The following CFAP70 variants were observed in gnomAD, a reference collection of about 807,000 sequenced individuals.
CFAP70 encodes the protein cilia and flagella associated protein 70.
A neutral mutation model predicts 137.6 loss-of-function variants in CFAP70; 81 were observed. The ratio of observed to expected loss-of-function variants is 0.59; its 90% CI spans 0.49 to 0.71. The LOEUF (loss-of-function observed/expected upper bound fraction) is 0.71. Ranked by LOEUF, CFAP70 falls within the 30% of genes least tolerant of loss-of-function variation. The pLI is 0.00. For missense variants in CFAP70, 976 were observed against 1,226.7 expected (o/e 0.80, Z 3.05); for synonymous variants, 382 against 423.6 (o/e 0.90, Z 1.20).
rs1812117877 is a variant in CFAP70 at position 73,341,266 on chromosome 10, A to G, written c.582+133T>C. 6.9e-6 allele frequency: 5 copies of G among 724,366 alleles called. No individual in the cohort carries two copies. In the Admixed American group the frequency reaches 1.6e-4, roughly 23 times the overall value. The allele number at this position is 724,366 out of a possible 1,614,324, so 44.9% of individuals were successfully genotyped here. On this transcript the variant is annotated intron_variant, in intron 6 of 26. Coordinates refer to ENST00000310715, the Ensembl canonical transcript of CFAP70. ...CAGAAGATATTTGAATCAGAATTAG[A>G]TATGTGTTTTATTTTGGCATGTAAG...
intron 7 of CFAP70, among the ~76,000 whole-genome samples, chr10:73,335,041 A>C (rs537020063): frequency 6.7e-4 from 100 of 150,216 alleles, no homozygotes; most frequent in Admixed American, 2.7e-3. Context: ...TATCTGCACC[A>C]AACTAATTTC....
intron 4 of CFAP70, among the ~76,000 whole-genome samples, chr10:73,345,880 AT>A (rs2053655463): frequency 6.6e-6 from 1 of 151,742 alleles, no homozygotes; most frequent in African/African-American, 2.4e-5. Flanking sequence ...ATATTTTATG[AT>A]TATTTTTGTC....
At position 73,278,355 on chromosome 10, in the gene CFAP70, T is replaced by C; in HGVS notation, c.2240-18A>G. On this transcript the variant is annotated intron_variant, in intron 19 of 26. Coordinates refer to ENST00000310715, the Ensembl canonical transcript of CFAP70. ...TCCTGGTCCTAAATAGATTACATTT[T>C]AATGAAAAATAAAACTTCTTACATT... 6.3e-7 allele frequency: 1 copy of C among 1,594,476 alleles called. No homozygotes were observed.
At chr10:73,335,794 A>T (rs2132348493) in intron 6 of CFAP70, among the ~76,000 whole-genome samples, 1 of 151,588 alleles carries the variant, frequency 6.6e-6, no homozygotes, top group South Asian at 2.1e-4. Flanking sequence ...TCAATCAATG[A>T]TTCTCAACTC....
chr10:73,351,012 T>C lies in CFAP70; in HGVS notation c.251-2491A>G, dbSNP rs1330587945. Among the ~76,000 whole-genome samples the C allele has an allele frequency of 2.0e-5, 3 of 147,610 alleles. No homozygotes were observed. In the East Asian group the frequency reaches 5.8e-4, roughly 29 times the overall value. On this transcript the variant is annotated intron_variant, in intron 3 of 26. Transcript: ENST00000310715. ...ATATATGTGTGTATATGTGTGTATG[T>C]GTGTGTATATATATGTGTATATGTG...
At chr10:73,288,294 A>G (rs1175204875) in intron 19 of CFAP70, among the ~76,000 whole-genome samples, 1 of 152,196 alleles carries the variant, frequency 6.6e-6, no homozygotes, top group African/African-American at 2.4e-5. Context: ...TTCTGAATAA[A>G]TTAGGCAATT....
intron 26 of CFAP70, 71 bp downstream of exon 27, chr10:73,256,298 G>T: frequency 6.5e-7 from 1 of 1,541,502 alleles, no homozygotes. Context: ...CCTGAATTAA[G>T]CCAGTACCTC....
chr10:73,259,467 T>TG (rs1676093630), intron 25 of CFAP70, among the ~76,000 whole-genome samples: 1 of 152,158 alleles, frequency 6.6e-6, no homozygotes, highest in Non-Finnish European at 1.5e-5. Context: ...CCCCCTCCTT[T>TG]GTTTTTTCTT....
rs2053915143 is a variant in CFAP70 at position 73,348,477 on chromosome 10, CTTCT to C, written c.291_294del (p.Glu98ArgfsTer4). ...GCCTGACCAAGAATTAAGGTCTTCT[CTTCT>C]TTCTGTTTCTTTTCCTTTGGTAAAA... On this transcript the variant is annotated frameshift_variant, in exon 4 of 27. Coordinates refer to ENST00000310715, the Ensembl canonical transcript of CFAP70. LOFTEE classifies it high-confidence loss of function. 1 of 1,530,024 alleles carries C rather than the reference CTTCT, an allele frequency of 6.5e-7. No individual in the cohort carries two copies. The highest frequency in any genetic ancestry group is 8.8e-7 in the Non-Finnish European group (1 of 1,142,508). 94.8% of individuals were successfully genotyped at this position (1,530,024 alleles called of 1,614,324 possible). A position where few individuals can be genotyped will look rare whatever the true frequency, so the allele number is the denominator to read the frequency against.
chr10:73,287,262 T>C (rs2047796333), intron 19 of CFAP70, among the ~76,000 whole-genome samples: 1 of 152,212 alleles, frequency 6.6e-6, no homozygotes, highest in African/African-American at 2.4e-5. Context: ...ACTACAAATG[T>C]GTACAGGCTG....
chr10:73,353,719 T>C, exon 3 of CFAP70: 3 of 1,614,210 alleles, frequency 1.9e-6, no homozygotes, highest in South Asian at 2.2e-5. Flanking sequence ...TAAAGGTAAC[T>C]GGAGTATCTC....
intron 24 of CFAP70, among the ~76,000 whole-genome samples, chr10:73,270,523 C>T (rs796950553): frequency 1.9e-3 from 29 of 15,522 alleles, no homozygotes; most frequent in Non-Finnish European, 2.2e-3. Context: ...CCCCTCCCCT[C>T]CCCCTCCCCT....
intron 5 of CFAP70, among the ~76,000 whole-genome samples, chr10:73,344,051 C>T (rs534936414): frequency 6.6e-6 from 1 of 152,172 alleles, no homozygotes; most frequent in East Asian, 1.9e-4. Flanking sequence ...CAACCTCTGC[C>T]TCCCAGGTTT....
intron 20 of CFAP70, 81 bp from the exon 22 acceptor site, chr10:73,277,442 C>T (rs1202687531): frequency 9.4e-5 from 139 of 1,481,914 alleles, no homozygotes; most frequent in Non-Finnish European, 1.1e-4. Flanking sequence ...CGGGTGGGTG[C>T]GGTGGCTCAC....
At chr10:73,291,090 C>CT (rs1463095007) in intron 19 of CFAP70, 136 bp downstream of exon 20, 2 of 706,780 alleles carry the variant, frequency 2.8e-6, no homozygotes, top group Admixed American at 5.0e-5. Flanking sequence ...TCACAGCTCA[C>CT]TGCAACCTTG....
At chr10:73,256,151 T>TTATA (rs1779065212) in intron 26 of CFAP70, among the ~76,000 whole-genome samples, 1 of 152,174 alleles carries the variant, frequency 6.6e-6, no homozygotes, top group South Asian at 2.1e-4. Context: ...CTATTAACTA[T>TTATA]TATATATTCT....
chr10:73,275,710 A>C lies in CFAP70; in HGVS notation c.2521-112T>G, dbSNP rs2046674780. ...AATACGAAATGTATTACAGAATGAA[A>C]TAATTATCCTCAACTTCAAAAGGTA... On this transcript the variant is annotated intron_variant, in intron 21 of 26. Transcript: ENST00000310715. The surrounding 1 kb of genome is among the most constrained non-coding windows in gnomAD (Gnocchi z 4.0). 12 of 966,550 alleles carry C rather than the reference A, an allele frequency of 1.2e-5. No individual in the cohort carries two copies. The highest frequency in any genetic ancestry group is 1.7e-5 in the Non-Finnish European group (12 of 694,420). 59.9% of individuals were successfully genotyped at this position (966,550 alleles called of 1,614,324 possible).
rs1273150986 is a variant in CFAP70, at chr10:73,324,482, C to T, written c.778-1385G>A. 7.2e-5 allele frequency among the ~76,000 whole-genome samples: 11 copies of T among 152,256 alleles called. No homozygotes were observed. In the East Asian group the frequency reaches 7.7e-4, roughly 11 times the overall value. On this transcript the variant is annotated intron_variant, in intron 8 of 26. Transcript: ENST00000310715. The stretch of plus-strand genomic sequence containing the variant: ...TCACCAGCAATGGAACAAAGCTGGA[C>T]GGAGAATGACTTTGACGAGTTGAGA...
At chr10:73,341,371 C>A (rs771918409) in intron 6 of CFAP70, 28 bp downstream of exon 7, 8 of 1,562,560 alleles carry the variant, frequency 5.1e-6, no homozygotes, top group Non-Finnish European at 6.9e-6. Flanking sequence ...CTAAGTTTAT[C>A]ACAAAAACCT....
Sources: gnomAD v4.1 joint callset for allele counts (sites outside exome capture counted in the v4.1 genomes callset) on GRCh38, gnomAD v4.1.1 for gene constraint, Gnocchi (gnomAD v3.1) non-coding constraint, MANE v1.5 for transcripts, NCBI Gene and HGNC (gene_info 2026-07-23, HGNC 2026-07-21) for gene names.